Variants in TBXAS1 observed in about 807,000 individuals in gnomAD.
TBXAS1 encodes the protein thromboxane-A synthase.
A neutral mutation model predicts 60.7 loss-of-function variants in TBXAS1; 48 were observed. The observed-to-expected ratio is 0.79, with a 90% CI of 0.63 to 1.01. The LOEUF is 1.01. TBXAS1 is among the 50% of genes least tolerant of loss of function. The pLI is 0.00. For missense variants in TBXAS1, 685 were observed against 686.3 expected, an observed-to-expected ratio of 1.00 and a Z score of 0.02; for synonymous variants, 287 against 269.7, an observed-to-expected ratio of 1.06 and a Z score of -0.63.
intron 9 of TBXAS1, among the ~76,000 whole-genome samples, chr7:139,966,553 C>G (rs753038652): frequency 2.0e-5 from 3 of 152,254 alleles, no homozygotes; most frequent in Admixed American, 6.5e-5. Flanking sequence ...CTCAAGCCAG[C>G]TGTGTAACCA....
At chr7:140,019,383 T>TACA (rs1333013792) in intron 12 of TBXAS1, among the ~76,000 whole-genome samples, 1 of 152,106 alleles carries the variant, frequency 6.6e-6, no homozygotes, top group Non-Finnish European at 1.5e-5. Flanking sequence ...CAACATACAG[T>TACA]GCAGCAGCCA....
intron 4 of TBXAS1, among the ~76,000 whole-genome samples, chr7:139,921,241 C>G (rs549993080): frequency 6.6e-6 from 1 of 152,258 alleles, no homozygotes; most frequent in African/African-American, 2.4e-5. Context: ...CTCAGTCAAC[C>G]CATCCCTACC....
chr7:139,846,687 G>A (rs1222299629), intron 1 of TBXAS1, among the ~76,000 whole-genome samples: 4 of 152,184 alleles, frequency 2.6e-5, no homozygotes, highest in Non-Finnish European at 2.9e-5. Flanking sequence ...GAGGAGAGGC[G>A]TACTTCAAAC....
At chr7:139,877,026 C>T (rs1049920633) in intron 3 of TBXAS1, among the ~76,000 whole-genome samples, 1 of 152,172 alleles carries the variant, frequency 6.6e-6, no homozygotes, top group Admixed American at 6.5e-5. Context: ...GGTGCAAGAA[C>T]ATTATACATT....
At chr7:139,878,338 A>G (rs531618532) in intron 3 of TBXAS1, among the ~76,000 whole-genome samples, 217 of 152,304 alleles carry the variant, frequency 1.4e-3, no homozygotes, top group Non-Finnish European at 2.2e-3. Flanking sequence ...AGTTAACACA[A>G]TTTATCCTTT....
At chr7:139,781,158 C>A (rs934062357) in intron 2 of TBXAS1, among the ~76,000 whole-genome samples, 1 of 152,152 alleles carries the variant, frequency 6.6e-6, no homozygotes, top group African/African-American at 2.4e-5. Context: ...CCATGAGATG[C>A]AAAACATGCA....
intron 4 of TBXAS1, among the ~76,000 whole-genome samples, chr7:139,931,662 C>T (rs1404577876): frequency 6.6e-6 from 1 of 151,840 alleles, no homozygotes; most frequent in African/African-American, 2.4e-5. Flanking sequence ...TTATTCACTA[C>T]CACGAGAACA....
chr7:139,806,625 T>C (rs1198459024), intron 4 of TBXAS1, among the ~76,000 whole-genome samples: 1 of 152,082 alleles, frequency 6.6e-6, no homozygotes, highest in Non-Finnish European at 1.5e-5. Context: ...TATGCTCTGT[T>C]CCCCTTTTTC....
intron 4 of TBXAS1, among the ~76,000 whole-genome samples, chr7:139,935,837 A>G (rs890447150): frequency 6.6e-6 from 1 of 151,778 alleles, no homozygotes; most frequent in African/African-American, 2.4e-5. Context: ...CCCAGGAAAG[A>G]CTAGGCCATC....
In TBXAS1 at chr7:139,809,000, T is replaced by G. The variant is rs1241726393; in HGVS notation, c.-79-20312T>G. On this transcript the variant is annotated intron_variant, in intron 4 of 16. Coordinates refer to the TBXAS1 transcript ENST00000336425. ...TTCATAAAAAAAAAAAAAAAAAAGC[T>G]TGTTGATTGGGTAAACTCACCAAGC... Among the ~76,000 whole-genome samples, 73 of 150,682 alleles carry G rather than the reference T, an allele frequency of 4.8e-4. 1 individual carries two copies. Among genetic ancestry groups the G allele is most frequent in the Admixed American group, 4.8e-3 (73 of 15,106 alleles).
chr7:139,942,921 A>G, intron 5 of TBXAS1, among the ~76,000 whole-genome samples: 1 of 152,252 alleles, frequency 6.6e-6, no homozygotes, highest in East Asian at 1.9e-4. Context: ...ATGTTACTCG[A>G]GAATGACTAC....
chr7:139,942,130 G>C (rs551945761), intron 5 of TBXAS1, among the ~76,000 whole-genome samples: 4 of 152,272 alleles, frequency 2.6e-5, no homozygotes, highest in Non-Finnish European at 4.4e-5. Flanking sequence ...TAGGAGAAAG[G>C]CATCTAAACT....
At chr7:139,942,194 T>A (rs1308878639) in intron 5 of TBXAS1, among the ~76,000 whole-genome samples, 2 of 152,188 alleles carry the variant, frequency 1.3e-5, no homozygotes, top group Admixed American at 1.3e-4. Context: ...GGAAAAGGAT[T>A]TGAAATATGG....
chr7:139,940,373 T>G (rs2117223528), intron 5 of TBXAS1, among the ~76,000 whole-genome samples: 1 of 152,320 alleles, frequency 6.6e-6, no homozygotes, highest in South Asian at 2.1e-4. Context: ...TCTCAAACCT[T>G]GTGGGACCAA....
At chr7:139,918,890 A>G (rs986756818) in intron 4 of TBXAS1, among the ~76,000 whole-genome samples, 2 of 152,170 alleles carry the variant, frequency 1.3e-5, no homozygotes, top group African/African-American at 2.4e-5. Flanking sequence ...ATCTATGGCC[A>G]CCTTCTACCA....
At chr7:140,008,301 G>C (rs777278740) in intron 10 of TBXAS1, among the ~76,000 whole-genome samples, 1 of 152,162 alleles carries the variant, frequency 6.6e-6, no homozygotes, top group Non-Finnish European at 1.5e-5. Flanking sequence ...AGCACACAAG[G>C]TTTTGGGTCT....
chr7:139,984,919 AGAAG>A (rs1812317797), intron 9 of TBXAS1, among the ~76,000 whole-genome samples: 1 of 96,700 alleles, frequency 1.0e-5, no homozygotes, highest in African/African-American at 4.0e-5. Flanking sequence ...AAAGAAAGAA[AGAAG>A]GAAAGAAAGA....
At chr7:139,885,274 G>A (rs538608704) in intron 3 of TBXAS1, among the ~76,000 whole-genome samples, 52 of 152,324 alleles carry the variant, frequency 3.4e-4, no homozygotes, top group Middle Eastern at 3.4e-3. Flanking sequence ...CTGCACAGAT[G>A]TGTTCCCAAT....
Position 140,009,534 on chromosome 7 carries a change from G to A in TBXAS1, c.1226+2352G>A, listed in dbSNP as rs28680590. ...GAATGGACAGCTTCCATCCAGCCTC[G>A]CTCTCCTGAGCCGCCCCTTCCCCAC... is the stretch of plus-strand genomic sequence containing the variant. On this transcript the variant is annotated intron_variant, in intron 10 of 12. Coordinates refer to ENST00000448866, the MANE Select transcript of TBXAS1 (RefSeq NM_001061.7). Among the ~76,000 whole-genome samples the A allele has an allele frequency of 1.9e-3, 281 of 151,536 alleles. 3 individuals carry two copies. Among genetic ancestry groups the A allele is most frequent in the African/African-American group, 6.4e-3 (265 of 41,202 alleles).
Sources: allele counts gnomAD v4.1 joint callset (sites outside exome capture counted in the v4.1 genomes callset), GRCh38; gene constraint gnomAD v4.1.1; transcripts MANE v1.5; gene names NCBI Gene and HGNC (gene_info 2026-07-23, HGNC 2026-07-21).